ABCA12: variants seen among roughly 807,000 people sequenced by gnomAD.
ABCA12 encodes the protein ATP binding cassette subfamily A member 12.
Under a neutral mutation model 293.5 loss-of-function variants are expected in ABCA12, and 156 were observed. The observed-to-expected ratio is 0.53, with a 90% CI of 0.47 to 0.61. The LOEUF is 0.61. Ranked by LOEUF, ABCA12 falls within the 20% of genes least tolerant of loss-of-function variation. The pLI is 0.00. For missense variants in ABCA12, 2,797 were observed against 3,090.2 expected (o/e 0.91, Z 2.25); for synonymous variants, 1,063 against 1,108.0 (o/e 0.96, Z 0.81).
In ABCA12 at chr2:214,955,378, CA is replaced by C; in HGVS notation, c.6234-18del. Reference sequence around the variant, plus strand: ...GTTGCATACCTGCAGGTTAAAAACACAAAGAATTAAAATTACGCCTCGGCCA... The same window carrying C: ...GTTGCATACCTGCAGGTTAAAAACACAAGAATTAAAATTACGCCTCGGCCA... On this transcript the variant is annotated intron_variant, in intron 42 of 52. Transcript: ENST00000272895. 6.2e-7 allele frequency: 1 copy of C among 1,613,792 alleles called. No homozygotes were observed. The highest frequency in any genetic ancestry group is 8.5e-7 in the Non-Finnish European group (1 of 1,179,808).
chr2:214,934,025 A>G, intron 52 of ABCA12, 53 bp downstream of exon 52: 1 of 1,559,764 alleles, frequency 6.4e-7, no homozygotes, highest in Non-Finnish European at 8.8e-7. Context: ...ACCAGAATGA[A>G]TAATAATATT....
chr2:214,954,150 C>T (rs372030967), intron 43 of ABCA12, 43 bp from the exon 44 acceptor site: 38 of 1,602,964 alleles, frequency 2.4e-5, no homozygotes, highest in Non-Finnish European at 3.0e-5. Context: ...GTTAAGTTTC[C>T]AAAAAGCTGA....
Position 214,980,606 on chromosome 2 carries a change from C to G in ABCA12, c.4617G>C (p.Glu1539Asp). Reference sequence around the variant, plus strand: ...CGATGCGGTCACTCAGCACTTCAGCCTCGTCCAAGTGGTGCGTTGACAGAA... The same window carrying G: ...CGATGCGGTCACTCAGCACTTCAGCGTCGTCCAAGTGGTGCGTTGACAGAA... ...TIILSTHHLDEAEVLSDRIAF... is the reference protein window; with the variant it reads ...TIILSTHHLDDAEVLSDRIAF... Residue 1539 changes from glutamate to aspartate, a missense_variant, in exon 31 of 53, where the codon GAG (glutamate) becomes GAC (aspartate). Transcript: ENST00000272895. The G allele has an allele frequency of 6.2e-7, 1 of 1,614,082 alleles. No individual in the cohort carries two copies. The highest frequency in any genetic ancestry group is 8.5e-7 in the Non-Finnish European group (1 of 1,180,000).
chr2:214,935,805 A>G (rs189221960), intron 51 of ABCA12, among the ~76,000 whole-genome samples: 1 of 152,020 alleles, frequency 6.6e-6, no homozygotes, highest in African/African-American at 2.4e-5. Context: ...TCTTAAAAAA[A>G]ATTTTTTTTA....
intron 3 of ABCA12, among the ~76,000 whole-genome samples, chr2:215,055,264 G>A (rs894401329): frequency 6.6e-6 from 1 of 151,992 alleles, no homozygotes; most frequent in Admixed American, 6.6e-5. Context: ...ATGTGTCAAG[G>A]CAGTAATAAT....
chr2:215,083,753 C>G (rs988822489), intron 2 of ABCA12, among the ~76,000 whole-genome samples: 3 of 152,124 alleles, frequency 2.0e-5, no homozygotes, highest in African/African-American at 7.2e-5. Flanking sequence ...CATGACATAA[C>G]AAGCAGCTTT....
chr2:214,997,888 C>T, intron 22 of ABCA12, 79 bp from the exon 23 acceptor site: 1 of 841,364 alleles, frequency 1.2e-6, no homozygotes, highest in Non-Finnish European at 2.0e-6. Flanking sequence ...ATATAAAGAA[C>T]TCACTCTCTC....
intron 26 of ABCA12, 59 bp downstream of exon 26, chr2:214,989,270 G>C: frequency 1.3e-6 from 2 of 1,518,790 alleles, no homozygotes; most frequent in Non-Finnish European, 1.8e-6. Flanking sequence ...CATATTATTA[G>C]TTGATTTATA....
At position 214,959,106 on chromosome 2, in the gene ABCA12, G is replaced by GT. The variant is rs781651165; in HGVS notation, c.5885-29dup. Reference sequence around the variant, plus strand: ...TAAAGACGAAACAGTTCTTCTATTAGTAGGTATTCAGTTAATCAGAAATAC... The same window carrying GT: ...TAAAGACGAAACAGTTCTTCTATTAGTTAGGTATTCAGTTAATCAGAAATAC... On this transcript the variant is annotated intron_variant, in intron 39 of 52. Transcript: ENST00000272895. 2.5e-6 allele frequency: 4 copies of GT among 1,592,698 alleles called. No individual in the cohort carries two copies. The Admixed American group carries it at 6.7e-5, about 27-fold the overall frequency.
At chr2:215,046,524 T>C (rs938850884) in intron 6 of ABCA12, among the ~76,000 whole-genome samples, 17 of 149,050 alleles carry the variant, frequency 1.1e-4, no homozygotes, top group Non-Finnish European at 2.4e-4. Context: ...TGTGTGTATA[T>C]ATATATATAC....
chr2:215,093,085 C>A (rs1702180492), intron 2 of ABCA12, among the ~76,000 whole-genome samples: 1 of 152,198 alleles, frequency 6.6e-6, no homozygotes, highest in African/African-American at 2.4e-5. Context: ...ATCTTCCCAA[C>A]AGGACACTCT....
chr2:215,037,242 A>C (rs1362870999), intron 7 of ABCA12, among the ~76,000 whole-genome samples, 177 bp from the exon 8 acceptor site: 2 of 152,194 alleles, frequency 1.3e-5, no homozygotes, highest in African/African-American at 4.8e-5. Context: ...AATCTCAACA[A>C]AATATTCTTA....
At chr2:215,009,345 A>G (rs1700322715) in intron 18 of ABCA12, among the ~76,000 whole-genome samples, 1 of 152,156 alleles carries the variant, frequency 6.6e-6, no homozygotes, top group Admixed American at 6.5e-5. Context: ...CAGGAAAAAT[A>G]ACTAATGGGT....
intron 8 of ABCA12, chr2:215,035,885 A>G (rs760258334): frequency 1.9e-4 from 29 of 152,130 alleles, no homozygotes; most frequent in Admixed American, 9.2e-4. Context: ...ACTTTACTTT[A>G]TATTAATTAT....
chr2:215,064,002 A>ATCTCAGAAGGAAACAAGATTTGATC, intron 3 of ABCA12, 64 bp downstream of exon 3: 1 of 1,606,822 alleles, frequency 6.2e-7, no homozygotes, highest in Non-Finnish European at 8.5e-7. Context: ...CTTCCTGGCT[A>ATCTCAGAAGGAAACAAGATTTGATC]TCTCAGAAGG....
At chr2:215,127,140 A>G (rs1471373838) in intron 1 of ABCA12, among the ~76,000 whole-genome samples, 3 of 152,070 alleles carry the variant, frequency 2.0e-5, no homozygotes, top group South Asian at 4.2e-4. Context: ...GTTTGATTCC[A>G]CTGTGGTCTG....
intron 7 of ABCA12, among the ~76,000 whole-genome samples, chr2:215,039,327 T>C (rs1701050276): frequency 6.6e-6 from 1 of 152,252 alleles, no homozygotes; most frequent in East Asian, 1.9e-4. Flanking sequence ...GAGACCATAA[T>C]GTTGTGATAA....
intron 2 of ABCA12, among the ~76,000 whole-genome samples, chr2:215,089,148 C>T (rs1158962251): frequency 2.0e-5 from 3 of 151,338 alleles, no homozygotes; most frequent in Admixed American, 1.3e-4. Context: ...AGTAGATTAA[C>T]ACCCACTTTT....
chr2:214,964,095 A>G (rs1699192304), intron 39 of ABCA12, among the ~76,000 whole-genome samples: 1 of 152,180 alleles, frequency 6.6e-6, no homozygotes, highest in African/African-American at 2.4e-5. Context: ...AAATCAATAA[A>G]TGTGATTTAT....
Sources: gnomAD v4.1 joint callset for allele counts (sites outside exome capture counted in the v4.1 genomes callset) on GRCh38, gnomAD v4.1.1 for gene constraint, MANE v1.5 for transcripts, NCBI Gene and HGNC (gene_info 2026-07-23, HGNC 2026-07-21) for gene names.